IL16: variants seen among roughly 807,000 people sequenced by gnomAD.
IL16 encodes the protein pro-interleukin-16.
In IL16, 67 loss-of-function variants were observed where a neutral mutation model predicts 110.1. The observed-to-expected ratio is 0.61, with a 90% CI of 0.50 to 0.75. IL16 has a LOEUF of 0.75. Among genes scored for constraint, IL16 ranks in the 30% least tolerant of loss-of-function variants. The pLI, the probability that IL16 is intolerant of heterozygous loss-of-function variation, is 0.00. For synonymous variants in IL16, 689 were observed against 662.9 expected (o/e 1.04, Z -0.61); for missense variants, 1,545 against 1,655.0 (o/e 0.93, Z 1.15).
chr15:81,209,008 T>C (rs1896136565), intron 1 of IL16, among the ~76,000 whole-genome samples: 1 of 152,158 alleles, frequency 6.6e-6, no homozygotes, highest in African/African-American at 2.4e-5. Context: ...ACAGTGCACA[T>C]AGTAATTGCT....
chr15:81,270,725 G>T (rs929199880), intron 5 of IL16, among the ~76,000 whole-genome samples: 1 of 152,104 alleles, frequency 6.6e-6, no homozygotes, highest in Non-Finnish European at 1.5e-5. Context: ...AATGGTAAAC[G>T]CCACCAAAAC....
upstream of IL16, among the ~76,000 whole-genome samples, chr15:81,193,713 A>G (rs62035265): frequency 5.1e-3 from 774 of 152,230 alleles, 3 homozygotes; most frequent in Non-Finnish European, 7.3e-3. Flanking sequence ...CAAGGGACCA[A>G]TGGCTTCTGA....
intron 1 of IL16, among the ~76,000 whole-genome samples, chr15:81,205,412 G>A (rs568830963): frequency 2.3e-4 from 35 of 152,068 alleles, no homozygotes; most frequent in Non-Finnish European, 4.3e-4. Flanking sequence ...GCATAGGGAA[G>A]AGGCATCAGA....
intron 2 of IL16, among the ~76,000 whole-genome samples, chr15:81,239,980 T>C (rs944740766): frequency 2.0e-5 from 3 of 152,170 alleles, no homozygotes; most frequent in African/African-American, 4.8e-5. Flanking sequence ...ATTAAATAAT[T>C]CCCAGGGTAT....
intron 2 of IL16, among the ~76,000 whole-genome samples, chr15:81,255,546 G>T (rs148449808): frequency 3.3e-5 from 5 of 152,180 alleles, no homozygotes; most frequent in Admixed American, 6.5e-5. Context: ...ATAGCCTTGC[G>T]CATGCACAAG....
At position 81,278,736 on chromosome 15, in the gene IL16, G is replaced by A. The variant is rs192204912; in HGVS notation, c.791-81G>A. On this transcript the variant is annotated intron_variant, in intron 6 of 18. Transcript: ENST00000683961. ...CATCATACAAAAAGCCGGGCAGTTG[G>A]GGAGACTAGAGTTAAAGGTAATGAT... 2,872 of 925,232 alleles carry A rather than the reference G, an allele frequency of 3.1e-3. 4 individuals carry two copies. Among genetic ancestry groups the A allele is most frequent in the Non-Finnish European group, 4.4e-3 (2,449 of 554,724 alleles). 57.3% of individuals were successfully genotyped at this position (925,232 alleles called of 1,614,324 possible).
chr15:81,259,744 G>T (rs1166323868), intron 2 of IL16, 28 bp from the exon 3 acceptor site: 1 of 1,518,234 alleles, frequency 6.6e-7, no homozygotes. Flanking sequence ...CTAACTTGCT[G>T]AATAAAAAGA....
intron 2 of IL16, among the ~76,000 whole-genome samples, chr15:81,254,359 A>G (rs1897873654): frequency 4.6e-5 from 7 of 152,210 alleles, no homozygotes; most frequent in Admixed American, 3.9e-4. Flanking sequence ...AGAATTCTCC[A>G]TCTTCATTCT....
intron 2 of IL16, among the ~76,000 whole-genome samples, chr15:81,230,982 G>A (rs1277137336): frequency 6.6e-6 from 1 of 151,926 alleles, no homozygotes; most frequent in Non-Finnish European, 1.5e-5. Flanking sequence ...GAAAGCTGGA[G>A]GCAGGAGTGA....
At chr15:81,264,852 T>C (rs974953705) in intron 3 of IL16, among the ~76,000 whole-genome samples, 3 of 152,260 alleles carry the variant, frequency 2.0e-5, no homozygotes, top group East Asian at 1.9e-4. Flanking sequence ...GAAAGAACAA[T>C]AGATATAACA....
upstream of IL16, among the ~76,000 whole-genome samples, chr15:81,196,180 A>G (rs1595934856): frequency 6.6e-6 from 1 of 152,216 alleles, no homozygotes; most frequent in East Asian, 1.9e-4. Flanking sequence ...GTTTTTGGGA[A>G]AGGGTGGCAC....
chr15:81,295,384 GAAAAGAC>G (rs1899935811), intron 12 of IL16: 35 of 1,255,732 alleles, frequency 2.8e-5, no homozygotes, highest in Non-Finnish European at 3.6e-5. Context: ...ATGTGTTGAT[GAAAAGAC>G]AAAACACATT....
chr15:81,284,021 A>AG (rs1899322769), intron 9 of IL16, among the ~76,000 whole-genome samples: 6 of 146,254 alleles, frequency 4.1e-5, no homozygotes, highest in African/African-American at 1.5e-4. Flanking sequence ...AAAAAAAAAA[A>AG]AAGAGAGAGA....
chr15:81,186,426 T>C (rs1173462592), intron 1 of IL16, among the ~76,000 whole-genome samples: 1 of 152,106 alleles, frequency 6.6e-6, no homozygotes, highest in Non-Finnish European at 1.5e-5. Context: ...TAGTAAGCAG[T>C]ATGCAGCTGA....
rs1900972637 is a variant in IL16, at chr15:81,313,415, A to G, written c.*4617A>G. ...TCTTGGTGGGTTCCCTGTGAAGGCAACAGCAGAGCTGTGTTATGATCTGCA... is the reference window on the plus strand; with the variant it reads ...TCTTGGTGGGTTCCCTGTGAAGGCAGCAGCAGAGCTGTGTTATGATCTGCA... On this transcript the variant is annotated 3_prime_UTR_variant, in exon 19 of 19. Coordinates refer to ENST00000683961, the MANE Select transcript of IL16 (RefSeq NM_172217.5). 3 of 1,529,098 alleles carry G rather than the reference A, an allele frequency of 2.0e-6. No individual in the cohort carries two copies. Among genetic ancestry groups the G allele is most frequent in the South Asian group, 1.3e-5 (1 of 77,778 alleles). The allele number at this position is 1,529,098 out of a possible 1,614,324, so 94.7% of individuals were successfully genotyped here. A position where few individuals can be genotyped will look rare whatever the true frequency, so the allele number is the denominator to read the frequency against.
chr15:81,286,301 A>G (rs1448804137), intron 10 of IL16, among the ~76,000 whole-genome samples: 1 of 152,238 alleles, frequency 6.6e-6, no homozygotes, highest in Non-Finnish European at 1.5e-5. Context: ...ACAGGAATAT[A>G]GCAGGGAATG....
rs370501535 is a variant in IL16 at position 81,303,993 on chromosome 15, A to G, written c.3420+343A>G. Reference sequence around the variant, plus strand: ...TGCGGCTGCTCGCTCTCTAAAGCCGAGTGCATTGCTGTCATCCCAGGGCTG... The same window carrying G: ...TGCGGCTGCTCGCTCTCTAAAGCCGGGTGCATTGCTGTCATCCCAGGGCTG... On this transcript the variant is annotated intron_variant, in intron 16 of 18. Coordinates refer to ENST00000683961, the MANE Select transcript of IL16 (RefSeq NM_172217.5). This position sits in a 1 kb window ranked among gnomAD's most constrained non-coding sequence, Gnocchi z 4.1. Among the ~76,000 whole-genome samples, 1 of 152,146 alleles carries G rather than the reference A, an allele frequency of 6.6e-6. No individual in the cohort carries two copies. The highest frequency in any genetic ancestry group is 2.1e-4 in the South Asian group (1 of 4,832).
intron 4 of IL16, among the ~76,000 whole-genome samples, chr15:81,267,719 T>G (rs960077019): frequency 6.6e-6 from 1 of 152,146 alleles, no homozygotes; most frequent in Non-Finnish European, 1.5e-5. Flanking sequence ...GAAGGGCTGA[T>G]TTTTCAGTTG....
upstream of IL16, among the ~76,000 whole-genome samples, chr15:81,193,393 A>G (rs534449972): frequency 6.6e-5 from 10 of 152,152 alleles, no homozygotes; most frequent in South Asian, 1.2e-3. Context: ...GTAGGAAAAA[A>G]GAGTCAGAAT....
Sources: gnomAD v4.1 joint callset for allele counts (sites outside exome capture counted in the v4.1 genomes callset) on GRCh38, gnomAD v4.1.1 for gene constraint, Gnocchi (gnomAD v3.1) non-coding constraint, MANE v1.5 for transcripts, NCBI Gene and HGNC (gene_info 2026-07-23, HGNC 2026-07-21) for gene names.